Variants in RGS5 observed in about 807,000 individuals in gnomAD.
RGS5 encodes the protein regulator of G protein signaling 5.
RGS5 carries 20 observed loss-of-function variants against 18.9 expected under a neutral mutation model. The observed-to-expected ratio is 1.06, with a 90% CI of 0.74 to 1.54. The LOEUF is 1.54. Among genes scored for constraint, RGS5 ranks in the 40% most tolerant of loss-of-function variants. The pLI is 0.00. For missense variants in RGS5, 201 were observed against 211.8 expected, an observed-to-expected ratio of 0.95 and a Z score of 0.32; for synonymous variants, 57 against 76.2, an observed-to-expected ratio of 0.75 and a Z score of 1.31.
At position 163,314,092 on chromosome 1, in the gene RGS5, G is replaced by C. The variant is rs533400076; in HGVS notation, c.-378+7530C>G. On this transcript the variant is annotated intron_variant, in intron 1 of 5. Transcript: ENST00000618415. ...TGCAGTTGTTGTGATAATTAAATGA[G>C]GTAATACATGGAGAACACCTGGCAT... 3.8e-4 allele frequency among the ~76,000 whole-genome samples: 58 copies of C among 152,030 alleles called. No homozygotes were observed. In the South Asian group the frequency reaches 0.012, roughly 31 times the overall value.
intron 2 of RGS5, among the ~76,000 whole-genome samples, chr1:163,281,220 A>G (rs1478088703): frequency 6.6e-6 from 1 of 152,184 alleles, no homozygotes; most frequent in East Asian, 1.9e-4. Flanking sequence ...TGTAAGTCCA[A>G]TAAACCTCTT....
chr1:163,202,051 C>T (rs114476828), intron 1 of RGS5, among the ~76,000 whole-genome samples: 85 of 152,240 alleles, frequency 5.6e-4, no homozygotes, highest in Non-Finnish European at 1.1e-3. Flanking sequence ...TACGGACAAC[C>T]AGGGAGCCTC....
intron 2 of RGS5, among the ~76,000 whole-genome samples, chr1:163,245,707 TA>T (rs1370763930): frequency 2.6e-5 from 4 of 152,236 alleles, no homozygotes; most frequent in African/African-American, 9.6e-5. Context: ...AAAATGGGTA[TA>T]ATAATACCAT....
At chr1:163,168,206 G>A (rs1658139023) in intron 2 of RGS5, 52 bp downstream of exon 2, 1 of 1,359,396 alleles carries the variant, frequency 7.4e-7, no homozygotes. Flanking sequence ...TAAACACTTG[G>A]AAAATAGCCA....
intron 2 of RGS5, among the ~76,000 whole-genome samples, chr1:163,292,842 C>T (rs1649324225): frequency 6.8e-6 from 1 of 146,458 alleles, no homozygotes; most frequent in South Asian, 2.3e-4. Context: ...TGTTCATGTC[C>T]TTTGCTCACT....
intron 2 of RGS5, among the ~76,000 whole-genome samples, chr1:163,275,480 A>G (rs996785668): frequency 1.3e-5 from 2 of 152,184 alleles, no homozygotes; most frequent in Admixed American, 1.3e-4. Flanking sequence ...TAAAGTCCAG[A>G]TTAAGGGGGA....
At chr1:163,193,322 G>A (rs552742994) in intron 1 of RGS5, among the ~76,000 whole-genome samples, 7 of 152,278 alleles carry the variant, frequency 4.6e-5, no homozygotes, top group African/African-American at 1.7e-4. Flanking sequence ...TGGTCATCAA[G>A]TATCTACTGT....
chr1:163,217,056 G>A (rs1660235467), intron 1 of RGS5, among the ~76,000 whole-genome samples: 1 of 152,018 alleles, frequency 6.6e-6, no homozygotes, highest in Non-Finnish European at 1.5e-5. Flanking sequence ...ACACAAAGAG[G>A]GGAACAACAG....
intron 2 of RGS5, among the ~76,000 whole-genome samples, chr1:163,262,767 C>T (rs1648479485): frequency 6.6e-6 from 1 of 150,584 alleles, no homozygotes. Context: ...AGTTTACAGT[C>T]CCACCAACAG....
intron 2 of RGS5, chr1:163,238,995 C>T (rs1316572539): frequency 4.6e-6 from 1 of 218,102 alleles, no homozygotes; most frequent in African/African-American, 2.3e-5. Context: ...TTATAGGTTC[C>T]AGGGAACATG....
intron 1 of RGS5, among the ~76,000 whole-genome samples, chr1:163,316,234 T>A (rs188970969): frequency 6.6e-6 from 1 of 152,222 alleles, no homozygotes; most frequent in Non-Finnish European, 1.5e-5. Flanking sequence ...GCTAGAAATG[T>A]TGGCTGATAG....
chr1:163,273,177 T>A (rs1648765513), intron 2 of RGS5, among the ~76,000 whole-genome samples: 1 of 152,128 alleles, frequency 6.6e-6, no homozygotes, highest in African/African-American at 2.4e-5. Flanking sequence ...TGCAGAATTT[T>A]CCAAATAAAC....
At chr1:163,179,745 C>T (rs1368460778) in intron 1 of RGS5, among the ~76,000 whole-genome samples, 1 of 152,108 alleles carries the variant, frequency 6.6e-6, no homozygotes. Flanking sequence ...CTAATAGCTC[C>T]TCCAGCTATA....
intron 2 of RGS5, among the ~76,000 whole-genome samples, chr1:163,282,632 C>T (rs2101719801): frequency 6.6e-6 from 1 of 152,168 alleles, no homozygotes; most frequent in South Asian, 2.1e-4. Flanking sequence ...ATCACTTGAG[C>T]CCAGGAGTTC....
intron 2 of RGS5, among the ~76,000 whole-genome samples, chr1:163,275,453 T>G (rs1262848867): frequency 6.6e-6 from 1 of 152,180 alleles, no homozygotes; most frequent in Non-Finnish European, 1.5e-5. Flanking sequence ...GCATATGAGA[T>G]CAACACTTTA....
chr1:163,233,116 T>G (rs1445532885), intron 2 of RGS5, among the ~76,000 whole-genome samples: 1 of 152,236 alleles, frequency 6.6e-6, no homozygotes, highest in Admixed American at 6.5e-5. Flanking sequence ...TTAATTTGGA[T>G]TTTTAAAAAA....
At chr1:163,172,449 T>C (rs1168123522) in intron 1 of RGS5, 47 of 1,240,722 alleles carry the variant, frequency 3.8e-5, no homozygotes, top group Non-Finnish European at 4.7e-5. Flanking sequence ...ATTTTATCTA[T>C]ATCACTGCTT....
rs115467350 is a variant in RGS5, at chr1:163,268,386, G to A, written c.-281+37847C>T. On this transcript the variant is annotated intron_variant, in intron 2 of 5. Transcript: ENST00000618415. ...TGCAGACTAGAAAACAGGTGTGAGA[G>A]TTAAAGTGACTTGACTAAAATCTCT... Among the ~76,000 whole-genome samples the A allele has an allele frequency of 1.2e-3, 179 of 152,204 alleles. 1 individual carries two copies. Among genetic ancestry groups the A allele is most frequent in the African/African-American group, 4.3e-3 (178 of 41,534 alleles).
At chr1:163,212,438 C>G (rs1407384791) in intron 1 of RGS5, 1 of 152,166 alleles carries the variant, frequency 6.6e-6, no homozygotes, top group Non-Finnish European at 1.5e-5. Flanking sequence ...TTAATGAGAA[C>G]TAGAAAAGAA....
Sources: gnomAD v4.1 joint callset for allele counts (sites outside exome capture counted in the v4.1 genomes callset) on GRCh38, gnomAD v4.1.1 for gene constraint, MANE v1.5 for transcripts, NCBI Gene and HGNC (gene_info 2026-07-23, HGNC 2026-07-21) for gene names.